The following BMPR2 variants were observed in gnomAD, a reference collection of about 807,000 sequenced individuals.
BMPR2 encodes bone morphogenetic protein receptor type-2.
BMPR2 carries 29 observed loss-of-function variants against 100.8 expected under a neutral mutation model. The observed-to-expected ratio is 0.29, with a 90% CI of 0.21 to 0.39. The LOEUF is 0.39. BMPR2 is among the 10% of genes least tolerant of loss of function. The pLI is 1.00. For synonymous variants in BMPR2, 382 were observed against 442.3 expected (o/e 0.86, Z 1.71); for missense variants, 1,011 against 1,274.5 (o/e 0.79, Z 3.15).
intron 1 of BMPR2, among the ~76,000 whole-genome samples, chr2:202,434,879 C>A (rs1207449853): frequency 1.4e-4 from 7 of 48,932 alleles, no homozygotes; most frequent in Admixed American, 4.0e-4. Flanking sequence ...GACTCTGTCT[C>A]AAAAAAAAAA....
chr2:202,440,775 A>AGGGAGACCG lies in BMPR2; in HGVS notation c.77-24008_77-24000dup, dbSNP rs768517153. Among the ~76,000 whole-genome samples, 269 of 150,274 alleles carry AGGGAGACCG rather than the reference A, an allele frequency of 1.8e-3. 9 individuals carry two copies. Among genetic ancestry groups the AGGGAGACCG allele is most frequent in the Middle Eastern group, 3.4e-3 (1 of 294 alleles). The stretch of plus-strand genomic sequence containing the variant: ...CAGTCCAGCCTTGGCTTGGCATCAG[A>AGGGAGACCG]GGGAGACCGGGGAGACCGGGGAGAC... On this transcript the variant is annotated intron_variant, in intron 1 of 12. Transcript: ENST00000374580.
intron 2 of BMPR2, chr2:202,466,919 A>G (rs1324483248): frequency 2.0e-5 from 3 of 153,560 alleles, no homozygotes; most frequent in South Asian, 2.0e-4. Context: ...TAAACCTAAA[A>G]CAATATATTT....
chr2:202,456,116 G>A (rs1321311658), intron 1 of BMPR2, among the ~76,000 whole-genome samples: 1 of 128,960 alleles, frequency 7.8e-6, no homozygotes, highest in Non-Finnish European at 1.6e-5. Context: ...AAGTAGTATT[G>A]CTAATTACCT....
intron 2 of BMPR2, 90 bp from the exon 3 acceptor site, chr2:202,467,429 C>A (rs970378542): frequency 1.7e-6 from 2 of 1,144,788 alleles, no homozygotes; most frequent in South Asian, 2.5e-5. Flanking sequence ...CGTACTCTCA[C>A]ATTTATTGAA....
intron 3 of BMPR2, among the ~76,000 whole-genome samples, chr2:202,500,156 A>G (rs941144110): frequency 2.6e-5 from 4 of 152,134 alleles, no homozygotes; most frequent in Non-Finnish European, 5.9e-5. Flanking sequence ...ATGTTTAACT[A>G]TTGAGGGCCA....
At chr2:202,377,893 G>A (rs1387244918) in intron 1 of BMPR2, among the ~76,000 whole-genome samples, 1 of 152,200 alleles carries the variant, frequency 6.6e-6, no homozygotes, top group African/African-American at 2.4e-5. Context: ...CTTATTATGA[G>A]ATCTCTGGAA....
chr2:202,392,143 T>C (rs926883418), intron 1 of BMPR2, among the ~76,000 whole-genome samples: 2 of 151,594 alleles, frequency 1.3e-5, no homozygotes, highest in East Asian at 3.9e-4. Context: ...CAATCTTGGC[T>C]CACTGCGACC....
intron 12 of BMPR2, among the ~76,000 whole-genome samples, chr2:202,557,011 A>G (rs1228546568): frequency 6.6e-6 from 1 of 151,558 alleles, no homozygotes; most frequent in Non-Finnish European, 1.5e-5. Context: ...CAAAAAAGTG[A>G]AACTCCATCT....
intron 3 of BMPR2, chr2:202,505,072 A>C (rs980824427): frequency 1.2e-5 from 2 of 173,412 alleles, no homozygotes; most frequent in African/African-American, 4.8e-5. Flanking sequence ...CATGGATAAC[A>C]TACAGGTTAA....
chr2:202,419,649 C>T (rs955125595), intron 1 of BMPR2, among the ~76,000 whole-genome samples: 15 of 152,092 alleles, frequency 9.9e-5, no homozygotes, highest in African/African-American at 3.4e-4. Flanking sequence ...GCCACTGCAC[C>T]TGGTGTATGT....
Position 202,377,553 on chromosome 2 carries a change from G to A in BMPR2, c.76+3G>A, listed in dbSNP as rs1482383821. ...CCTGCTGGTCAGCACTGCGGCTGGT[G>A]AGTAGCTCCGGCCGGCACGTCCCGG... On this transcript the variant is annotated splice_donor_region_variant and intron_variant, in intron 1 of 12. Coordinates refer to ENST00000374580, the MANE Select transcript of BMPR2 (RefSeq NM_001204.7). The A allele has an allele frequency of 9.9e-6, 16 of 1,613,946 alleles. No homozygotes were observed. Among genetic ancestry groups the A allele is most frequent in the Non-Finnish European group, 1.4e-5 (16 of 1,180,002 alleles).
chr2:202,432,994 G>A (rs1476375295), intron 1 of BMPR2, among the ~76,000 whole-genome samples: 1 of 150,340 alleles, frequency 6.7e-6, no homozygotes, highest in Non-Finnish European at 1.5e-5. Context: ...TATCTAGTAA[G>A]GATATTTAAG....
chr2:202,535,953 A>ATCG (rs1559068437), intron 9 of BMPR2, among the ~76,000 whole-genome samples: 2 of 148,494 alleles, frequency 1.3e-5, no homozygotes, highest in African/African-American at 4.9e-5. Context: ...GCGTGCCTGC[A>ATCG]ATCGCAGGCA....
In BMPR2 at chr2:202,530,500, C is replaced by A. The variant is rs531386807; in HGVS notation, c.968-294C>A. Among the ~76,000 whole-genome samples the A allele has an allele frequency of 1.3e-3, 204 of 152,062 alleles. 1 individual carries two copies. Among genetic ancestry groups the A allele is most frequent in the African/African-American group, 4.5e-3 (188 of 41,474 alleles). ...CCAAATATTCCTTTCTGTATTGCCT[C>A]CTTTTACAGCCCTATACTATAAATG... On this transcript the variant is annotated intron_variant, in intron 7 of 12. Coordinates refer to ENST00000374580, the MANE Select transcript of BMPR2 (RefSeq NM_001204.7).
chr2:202,502,605 G>A (rs1465281651), intron 3 of BMPR2, among the ~76,000 whole-genome samples: 1 of 152,196 alleles, frequency 6.6e-6, no homozygotes, highest in Non-Finnish European at 1.5e-5. Flanking sequence ...CTCTCAAACA[G>A]TTTGCAAGAA....
intron 1 of BMPR2, among the ~76,000 whole-genome samples, chr2:202,445,407 T>A (rs1559040814): frequency 6.7e-6 from 1 of 149,668 alleles, no homozygotes; most frequent in East Asian, 1.9e-4. Flanking sequence ...TTTAATATTT[T>A]GTAGAGACAG....
At chr2:202,404,512 CT>C (rs1690844742) in intron 1 of BMPR2, among the ~76,000 whole-genome samples, 1 of 151,952 alleles carries the variant, frequency 6.6e-6, no homozygotes, top group South Asian at 2.1e-4. Flanking sequence ...TTGTCTTTTG[CT>C]AGGTATATGG....
At chr2:202,497,535 C>T (rs1693064958) in intron 3 of BMPR2, among the ~76,000 whole-genome samples, 1 of 152,208 alleles carries the variant, frequency 6.6e-6, no homozygotes, top group Non-Finnish European at 1.5e-5. Flanking sequence ...CCAGCTTCCG[C>T]TTTTCCTGTA....
chr2:202,514,094 A>T (rs1412500071), intron 4 of BMPR2, among the ~76,000 whole-genome samples: 1 of 151,954 alleles, frequency 6.6e-6, no homozygotes, highest in Non-Finnish European at 1.5e-5. Flanking sequence ...ATCTATAAAT[A>T]TTATCTCTAC....
Sources: allele counts gnomAD v4.1 joint callset (sites outside exome capture counted in the v4.1 genomes callset), GRCh38; gene constraint gnomAD v4.1.1; transcripts MANE v1.5; gene names NCBI Gene and HGNC (gene_info 2026-07-23, HGNC 2026-07-21).